The following POLK variants were observed in gnomAD, a reference collection of about 807,000 sequenced individuals.
POLK encodes the protein DNA polymerase kappa.
Under a neutral mutation model 94.0 loss-of-function variants are expected in POLK, and 76 were observed. That is an observed-to-expected ratio of 0.81 (90% confidence interval 0.67 to 0.98). The LOEUF (loss-of-function observed/expected upper bound fraction) is 0.98. POLK is among the 50% of genes least tolerant of loss of function. The pLI is 0.00. For missense variants in POLK, 954 were observed against 1,010.1 expected (o/e 0.94, Z 0.75); for synonymous variants, 349 against 325.4 (o/e 1.07, Z -0.78).
intron 6 of POLK, 38 bp downstream of exon 6, chr5:75,576,971 T>TG: frequency 1.5e-6 from 2 of 1,322,788 alleles, no homozygotes; most frequent in African/African-American, 1.5e-5. Flanking sequence ...CAAGAAGCAG[T>TG]GAAAAAAAAA....
intron 3 of POLK, among the ~76,000 whole-genome samples, chr5:75,565,611 T>G (rs1465280719): frequency 6.6e-6 from 1 of 152,176 alleles, no homozygotes; most frequent in Non-Finnish European, 1.5e-5. Context: ...TGCTTTCTGT[T>G]TGTTATTTTT....
intron 1 of POLK, among the ~76,000 whole-genome samples, chr5:75,523,959 G>A (rs1418818840): frequency 1.3e-5 from 2 of 151,916 alleles, no homozygotes; most frequent in African/African-American, 2.4e-5. Flanking sequence ...GTGAAACCTC[G>A]TCTCTACTAA....
chr5:75,533,717 A>G (rs1197368090), intron 1 of POLK, among the ~76,000 whole-genome samples: 1 of 152,196 alleles, frequency 6.6e-6, no homozygotes, highest in Non-Finnish European at 1.5e-5. Flanking sequence ...CATTCTATCC[A>G]TGAGCATGGA....
intron 1 of POLK, among the ~76,000 whole-genome samples, chr5:75,520,473 T>C (rs142565640): frequency 5.4e-4 from 82 of 152,294 alleles, no homozygotes; most frequent in Non-Finnish European, 2.9e-5. Flanking sequence ...TAGCTCACTG[T>C]AGTCTCGAAC....
chr5:75,538,023 A>G (rs542833538), intron 1 of POLK, among the ~76,000 whole-genome samples: 31 of 151,830 alleles, frequency 2.0e-4, no homozygotes, highest in Non-Finnish European at 3.8e-4. Flanking sequence ...CACCTGGCTA[A>G]TTTTTTGTAG....
At chr5:75,581,542 A>G (rs1357087463) in intron 7 of POLK, 94 bp downstream of exon 7, 6 of 1,074,436 alleles carry the variant, frequency 5.6e-6, no homozygotes, top group South Asian at 1.6e-5. Flanking sequence ...TAAAGTATAT[A>G]GTAACATTTT....
intron 6 of POLK, among the ~76,000 whole-genome samples, chr5:75,577,220 A>C (rs1453983189): frequency 6.6e-6 from 1 of 152,172 alleles, no homozygotes; most frequent in East Asian, 1.9e-4. Context: ...CTAAGGTCTA[A>C]CTAACAAAGA....
At chr5:75,580,576 C>G (rs1386638903) in intron 6 of POLK, 5 of 866,036 alleles carry the variant, frequency 5.8e-6, no homozygotes, top group Non-Finnish European at 6.9e-6. Context: ...TTTGTATATT[C>G]AAAGAAGCAT....
rs757766521 is a variant in POLK at position 75,596,998 on chromosome 5, T to A, written c.2305T>A (p.Cys769Ser). ...ACAAGAATACCGCCAGCCTTACTTA[T>A]GTGAAGTGAAAACAGGCCAAGCTCT... Residue 769 changes from cysteine (C) to serine (S), a missense_variant, in exon 13 of 15, where the codon TGT becomes AGT. Physicochemically the swap from Cys to Ser is moderately radical, Grantham distance 112. Transcript: ENST00000241436. 2.4e-5 allele frequency: 39 copies of A among 1,613,786 alleles called. No homozygotes were observed. Among genetic ancestry groups the A allele is most frequent in the Non-Finnish European group, 3.1e-5 (37 of 1,179,862 alleles).
At chr5:75,581,137 G>T in intron 6 of POLK, 72 bp from the exon 7 acceptor site, 2 of 1,074,774 alleles carry the variant, frequency 1.9e-6, no homozygotes, top group South Asian at 1.5e-5. Flanking sequence ...CAGAAATAAT[G>T]TAGGGAAACC....
intron 5 of POLK, among the ~76,000 whole-genome samples, 163 bp downstream of exon 5, chr5:75,574,032 A>G (rs902739694): frequency 6.6e-6 from 1 of 152,198 alleles, no homozygotes; most frequent in African/African-American, 2.4e-5. Context: ...TGAGCTGCAT[A>G]TAGCATCCAG....
chr5:75,532,696 T>G (rs1561341732), intron 1 of POLK, among the ~76,000 whole-genome samples: 1 of 152,234 alleles, frequency 6.6e-6, no homozygotes, highest in Non-Finnish European at 1.5e-5. Flanking sequence ...TAATTTACAT[T>G]CCCACCAGTA....
At chr5:75,589,120 A>G (rs1018392321) in intron 10 of POLK, among the ~76,000 whole-genome samples, 1 of 152,140 alleles carries the variant, frequency 6.6e-6, no homozygotes, top group Admixed American at 6.5e-5. Context: ...GTCATTTTAC[A>G]TATATACAGG....
chr5:75,577,808 T>C (rs1256229107), intron 6 of POLK, among the ~76,000 whole-genome samples: 2 of 152,210 alleles, frequency 1.3e-5, no homozygotes, highest in African/African-American at 2.4e-5. Flanking sequence ...AAGTTTAATA[T>C]GGGCATCAAA....
chr5:75,573,399 A>T lies in POLK; in HGVS notation c.409-339A>T, dbSNP rs1182732856. Among the ~76,000 whole-genome samples, 4 of 152,132 alleles carry T rather than the reference A, an allele frequency of 2.6e-5. No homozygotes were observed. The East Asian group carries it at 7.7e-4, about 29-fold the overall frequency. ...GAAGGGGGAGGGATAGCATTAGGAG[A>T]TATACCTAATATTAAATGACGAGTT... On this transcript the variant is annotated intron_variant, in intron 4 of 14. Coordinates refer to ENST00000241436, the Ensembl canonical transcript of POLK.
upstream of POLK, chr5:75,511,600 G>A (rs1768010494): frequency 6.1e-6 from 9 of 1,466,372 alleles, no homozygotes; most frequent in Non-Finnish European, 6.3e-6. Flanking sequence ...CTCCGCTACC[G>A]CCGCCATCTT....
intron 1 of POLK, among the ~76,000 whole-genome samples, chr5:75,524,140 A>AG (rs1768721248): frequency 1.3e-5 from 2 of 152,008 alleles, no homozygotes; most frequent in South Asian, 4.2e-4. Flanking sequence ...AAAAAAAAAA[A>AG]CAACAAAAAA....
intron 12 of POLK, 150 bp from the exon 13 acceptor site, chr5:75,596,072 G>T: frequency 1.7e-6 from 1 of 582,300 alleles, no homozygotes; most frequent in Non-Finnish European, 3.1e-6. Context: ...AGGTAAATCT[G>T]TACTTATAAT....
At chr5:75,587,520 A>C (rs1772534053) in intron 10 of POLK, among the ~76,000 whole-genome samples, 2 of 152,236 alleles carry the variant, frequency 1.3e-5, no homozygotes, top group African/African-American at 4.8e-5. Flanking sequence ...TTTGAAAACC[A>C]AATGAAATAA....
Sources: gnomAD v4.1 joint callset for allele counts (sites outside exome capture counted in the v4.1 genomes callset) on GRCh38, gnomAD v4.1.1 for gene constraint, MANE v1.5 for transcripts, NCBI Gene and HGNC (gene_info 2026-07-23, HGNC 2026-07-21) for gene names.